Variants in FAM222B observed in about 807,000 individuals in gnomAD.
The protein encoded by FAM222B is protein FAM222B.
FAM222B carries 12 observed loss-of-function variants against 38.0 expected under a neutral mutation model. That is an observed-to-expected ratio of 0.32 (90% CI 0.20 to 0.51). The LOEUF (loss-of-function observed/expected upper bound fraction) is 0.51, where lower values mean the gene tolerates loss of function less well. Ranked by LOEUF, FAM222B falls within the 20% of genes least tolerant of loss-of-function variation. The pLI, the probability that FAM222B is intolerant of heterozygous loss-of-function variation, is 0.97. For synonymous variants in FAM222B, 329 were observed against 317.2 expected (o/e 1.04, Z -0.40); for missense variants, 716 against 754.2 (o/e 0.95, Z 0.59).
chr17:28,847,876 T>C (rs2039156011), intron 1 of FAM222B, among the ~76,000 whole-genome samples: 1 of 149,612 alleles, frequency 6.7e-6, no homozygotes, highest in South Asian at 2.1e-4. Flanking sequence ...ATAGCGCCAC[T>C]GTACTCCGGC....
chr17:28,778,716 TA>T lies in FAM222B; in HGVS notation c.-40-12010del, dbSNP rs1178000963. On this transcript the variant is annotated intron_variant, in intron 1 of 2. Transcript: ENST00000581407. The stretch of plus-strand genomic sequence containing the variant: ...GTGTGTGTATATATATATATATATA[TA>T]TATTTTTTTTTTTTTTTTTTTTTTT... Among the ~76,000 whole-genome samples the T allele has an allele frequency of 3.8e-3, 337 of 88,126 alleles. 2 individuals are homozygous for T. Among genetic ancestry groups the T allele is most frequent in the African/African-American group, 7.6e-3 (157 of 20,704 alleles). 57.8% of individuals were successfully genotyped at this position (88,126 alleles called of 152,430 possible).
rs530135758 is a variant in FAM222B at position 28,829,891 on chromosome 17, T to G, written c.-41+12791A>C. Among the ~76,000 whole-genome samples, 156 of 152,122 alleles carry G rather than the reference T, an allele frequency of 1.0e-3. 1 individual carries two copies. The highest frequency in any genetic ancestry group is 3.3e-3 in the African/African-American group (137 of 41,524). ...CCGAGTCTCACTCTGTCTCCCAAGCTGGAGTTGGAGTGCAGTGGCGCGATC... is the reference window on the plus strand; with the variant it reads ...CCGAGTCTCACTCTGTCTCCCAAGCGGGAGTTGGAGTGCAGTGGCGCGATC... On this transcript the variant is annotated intron_variant, in intron 1 of 2. Coordinates refer to ENST00000581407, the MANE Select transcript of FAM222B (RefSeq NM_001077498.3).
intron 1 of FAM222B, among the ~76,000 whole-genome samples, chr17:28,801,591 C>T (rs1350072932): frequency 2.6e-5 from 4 of 152,034 alleles, no homozygotes; most frequent in Admixed American, 6.6e-5. Flanking sequence ...CGCCTGTAAT[C>T]CCAGCACTTT....
At chr17:28,760,931 G>C (rs368652359) in intron 2 of FAM222B, among the ~76,000 whole-genome samples, 24 of 152,324 alleles carry the variant, frequency 1.6e-4, no homozygotes, top group Non-Finnish European at 3.4e-4. Context: ...AGGATCAAAG[G>C]CTTTATTTAT....
intron 1 of FAM222B, among the ~76,000 whole-genome samples, chr17:28,794,506 C>G (rs903427712): frequency 1.3e-5 from 2 of 152,072 alleles, no homozygotes; most frequent in African/African-American, 4.8e-5. Context: ...AGGCATGAGC[C>G]ACAGTGCCCG....
chr17:28,786,874 A>G (rs1196494678), intron 1 of FAM222B, among the ~76,000 whole-genome samples: 1 of 150,044 alleles, frequency 6.7e-6, no homozygotes, highest in African/African-American at 2.5e-5. Context: ...ACTTATAGCT[A>G]ACACACTGCC....
At chr17:28,787,048 C>T (rs1299872950) in intron 1 of FAM222B, among the ~76,000 whole-genome samples, 1 of 152,072 alleles carries the variant, frequency 6.6e-6, no homozygotes, top group Non-Finnish European at 1.5e-5. Flanking sequence ...CCTCAGCCTC[C>T]TGAGTAGTTG....
At chr17:28,841,843 G>A (rs2039047872) in intron 1 of FAM222B, among the ~76,000 whole-genome samples, 1 of 152,140 alleles carries the variant, frequency 6.6e-6, no homozygotes, top group African/African-American at 2.4e-5. Flanking sequence ...GAAGTCTGAT[G>A]GCTAATTTAT....
At chr17:28,806,094 G>A (rs974245035) in intron 1 of FAM222B, among the ~76,000 whole-genome samples, 1 of 152,024 alleles carries the variant, frequency 6.6e-6, no homozygotes, top group African/African-American at 2.4e-5. Flanking sequence ...GGACATTGCA[G>A]TGAGCCGAGA....
At chr17:28,760,474 G>A (rs2035017177) in intron 2 of FAM222B, among the ~76,000 whole-genome samples, 1 of 152,118 alleles carries the variant, frequency 6.6e-6, no homozygotes, top group African/African-American at 2.4e-5. Context: ...TACTTGGGAG[G>A]CTGAGGCAGG....
At chr17:28,831,065 G>A (rs1050071484) in intron 1 of FAM222B, among the ~76,000 whole-genome samples, 6 of 148,180 alleles carry the variant, frequency 4.0e-5, no homozygotes, top group Non-Finnish European at 5.9e-5. Flanking sequence ...GAATGGTCTC[G>A]GCCACTGCAA....
At chr17:28,833,567 C>T (rs1489426226) in intron 1 of FAM222B, among the ~76,000 whole-genome samples, 2 of 134,642 alleles carry the variant, frequency 1.5e-5, no homozygotes, top group Non-Finnish European at 3.1e-5. Context: ...CAGCTGAGAT[C>T]GTGCCACTGT....
At chr17:28,836,816 T>G (rs901629815) in intron 1 of FAM222B, among the ~76,000 whole-genome samples, 3 of 152,186 alleles carry the variant, frequency 2.0e-5, no homozygotes, top group Admixed American at 2.0e-4. Context: ...CTTTTAGTTT[T>G]TACTTCTTTC....
At chr17:28,765,670 A>G (rs932485408) in intron 2 of FAM222B, among the ~76,000 whole-genome samples, 1 of 152,180 alleles carries the variant, frequency 6.6e-6, no homozygotes, top group Non-Finnish European at 1.5e-5. Flanking sequence ...TATTACAGGG[A>G]GAGAAGGTAG....
upstream of FAM222B, among the ~76,000 whole-genome samples, chr17:28,845,098 T>A (rs537689391): frequency 1.3e-5 from 2 of 148,176 alleles, no homozygotes; most frequent in African/African-American, 5.0e-5. Context: ...TGAGACTCCA[T>A]CTCAATTAAA....
In FAM222B at chr17:28,756,895, C is replaced by T. The variant is rs1327270486; in HGVS notation, c.*1375G>A. The T allele has an allele frequency of 2.0e-5, 3 of 152,312 alleles. No homozygotes were observed. The highest frequency in any genetic ancestry group is 7.2e-5 in the African/African-American group (3 of 41,390). The allele number at this position is 152,312 out of a possible 1,614,324, so 9.4% of individuals were successfully genotyped here. A position where few individuals can be genotyped will look rare whatever the true frequency, so the allele number is the denominator to read the frequency against. Reference sequence around the variant, plus strand: ...TAAATAAGAACCATCAGCTGACATTCCCCAGAGACAAGAGGAAAGGTAAGG... The same window carrying T: ...TAAATAAGAACCATCAGCTGACATTTCCCAGAGACAAGAGGAAAGGTAAGG... On this transcript the variant is annotated 3_prime_UTR_variant, in exon 3 of 3. Transcript: ENST00000581407.
At chr17:28,821,051 G>T (rs559219269) in intron 1 of FAM222B, among the ~76,000 whole-genome samples, 9 of 151,812 alleles carry the variant, frequency 5.9e-5, no homozygotes, top group Admixed American at 2.0e-4. Context: ...CCCCACCTGG[G>T]TTCAAGCGAT....
chr17:28,758,470 C>T lies in FAM222B; in HGVS notation c.1489G>A (p.Ala497Thr), dbSNP rs1359521084. ...GCCACTGGACCGCCCCCGGTCCCTG[C>T]TCGGTAGTGGGCCCCGGGAGCTGCC... Reference protein sequence around the residue: ...CAAAPGAHYRAGTGGGPVASQ... With the variant: ...CAAAPGAHYRTGTGGGPVASQ... Residue 497 changes from alanine to threonine, a missense_variant, in exon 3 of 3, where the codon GCA becomes ACA. Physicochemically the swap from Ala to Thr is moderately conservative, Grantham distance 58. Coordinates refer to ENST00000581407, the MANE Select transcript of FAM222B (RefSeq NM_001077498.3). 1 of 1,613,408 alleles carries T rather than the reference C, an allele frequency of 6.2e-7. No individual in the cohort carries two copies. Among genetic ancestry groups the T allele is most frequent in the African/African-American group, 1.3e-5 (1 of 75,052 alleles).
At chr17:28,832,740 G>T (rs2038708585) in intron 1 of FAM222B, among the ~76,000 whole-genome samples, 1 of 152,148 alleles carries the variant, frequency 6.6e-6, no homozygotes, top group South Asian at 2.1e-4. Context: ...AGCAGAGACA[G>T]AGAAATACAT....
Sources: allele counts gnomAD v4.1 joint callset (sites outside exome capture counted in the v4.1 genomes callset), GRCh38; gene constraint gnomAD v4.1.1; transcripts MANE v1.5; gene names NCBI Gene and HGNC (gene_info 2026-07-23, HGNC 2026-07-21).